Variants in GFRA3 observed in about 807,000 individuals in gnomAD.
GFRA3 encodes the protein GDNF family receptor alpha-3.
Under a neutral mutation model 40.0 loss-of-function variants are expected in GFRA3, and 24 were observed. The ratio of observed to expected loss-of-function variants is 0.60; its 90% CI spans 0.43 to 0.84. GFRA3 has a LOEUF of 0.84. Among genes scored for constraint, GFRA3 ranks in the 40% least tolerant of loss-of-function variants. The pLI is 0.00. For missense variants in GFRA3, 405 were observed against 530.6 expected, an observed-to-expected ratio of 0.76 and a Z score of 2.33; for synonymous variants, 203 against 213.5, an observed-to-expected ratio of 0.95 and a Z score of 0.43.
rs369940371 is a variant in GFRA3 at position 138,253,001 on chromosome 5, C to T, written c.1170G>A (p.Thr390=). ...QPWVPSLFSC[T]LPLILLLSLW ...GGCTCAGGAGCAGAATCAAGGGAAG[C>T]GTGCAGGAGAAAAGAGAGGGCACCC... Residue 390 remains threonine (T), a synonymous_variant, in exon 8 of 8, where the codon ACG becomes ACA. Transcript: ENST00000274721. 4.0e-5 allele frequency: 65 copies of T among 1,608,624 alleles called. 1 individual carries two copies. The Middle Eastern group carries it at 5.1e-4, about 13-fold the overall frequency.
intron 6 of GFRA3, 93 bp downstream of exon 6, chr5:138,253,673 G>T: frequency 8.3e-7 from 1 of 1,208,610 alleles, no homozygotes; most frequent in Non-Finnish European, 1.2e-6. Flanking sequence ...GGAGATGGAT[G>T]GAACCAGCCT....
chr5:138,269,352 A>G (rs1217126026), intron 1 of GFRA3, among the ~76,000 whole-genome samples: 2 of 151,836 alleles, frequency 1.3e-5, no homozygotes, highest in Non-Finnish European at 2.9e-5. Flanking sequence ...CCTGGCCAAC[A>G]CTGCAAAAGC....
intron 1 of GFRA3, among the ~76,000 whole-genome samples, chr5:138,270,387 A>T (rs978038784): frequency 3.3e-5 from 5 of 151,510 alleles, no homozygotes; most frequent in African/African-American, 1.2e-4. Flanking sequence ...AAAAAAAAAA[A>T]GGAATGAATT....
chr5:138,273,883 A>G (rs928488482), intron 1 of GFRA3, among the ~76,000 whole-genome samples: 2 of 152,206 alleles, frequency 1.3e-5, no homozygotes, highest in African/African-American at 4.8e-5. Context: ...GTTTTAACGA[A>G]CTTCTTTTTC....
chr5:138,259,507 C>T (rs752414507), intron 3 of GFRA3, 50 bp downstream of exon 3: 2 of 848,090 alleles, frequency 2.4e-6, no homozygotes, highest in South Asian at 2.6e-5. Context: ...CACCCTTCCT[C>T]CAGGGTCCAG....
chr5:138,262,440 G>A (rs1042323359), intron 2 of GFRA3, among the ~76,000 whole-genome samples: 1 of 152,144 alleles, frequency 6.6e-6, no homozygotes, highest in African/African-American at 2.4e-5. Context: ...TCTGCTGTGT[G>A]TCTCCCATTC....
intron 1 of GFRA3, 63 bp from the exon 2 acceptor site, chr5:138,264,611 T>A: frequency 8.7e-7 from 1 of 1,147,790 alleles, no homozygotes; most frequent in Non-Finnish European, 1.3e-6. Context: ...GAATACCAAG[T>A]CATGAGGTTG....
rs1482587728 is a variant in GFRA3 at position 138,253,462 on chromosome 5, G to C, written c.1025-87C>G. On this transcript the variant is annotated intron_variant, in intron 6 of 7. Transcript: ENST00000274721. ...AAGGAAGGAAAGGGAATGCCACAGG[G>C]ACCCTGGGCTATAGGGGAGCAAGTG... is the stretch of plus-strand genomic sequence containing the variant. 12 of 867,196 alleles carry C rather than the reference G, an allele frequency of 1.4e-5. No individual in the cohort carries two copies. The South Asian group carries it at 1.4e-4, about 10-fold the overall frequency. The allele number at this position is 867,196 out of a possible 1,614,324, so 53.7% of individuals were successfully genotyped here.
At position 138,257,917 on chromosome 5, in the gene GFRA3, A is replaced by G. The variant is rs757955580; in HGVS notation, c.507T>C (p.Cys169=). ...SDLCLKFAML[C]TLNDKCDRLR... ...GCCGGTCACACTTGTCATTGAGAGT[A>G]CACAGCATGGCAAACTTGAGGCAGA... Residue 169 remains cysteine, a synonymous_variant, in exon 4 of 8, where the codon TGT becomes TGC. Coordinates refer to ENST00000274721, the MANE Select transcript of GFRA3 (RefSeq NM_001496.4). The G allele has an allele frequency of 1.2e-6, 2 of 1,614,034 alleles. No individual in the cohort carries two copies. The highest frequency in any genetic ancestry group is 1.7e-6 in the Non-Finnish European group (2 of 1,180,006).
intron 4 of GFRA3, among the ~76,000 whole-genome samples, chr5:138,257,111 A>T (rs924394089): frequency 6.6e-6 from 1 of 152,156 alleles, no homozygotes; most frequent in African/African-American, 2.4e-5. Flanking sequence ...CAGTTTTTAC[A>T]GGGGACTAAA....
chr5:138,269,921 G>T (rs547519210), intron 1 of GFRA3, among the ~76,000 whole-genome samples: 2 of 150,776 alleles, frequency 1.3e-5, no homozygotes, highest in Admixed American at 6.6e-5. Context: ...CAGAGGAAAA[G>T]AAGTCATTAT....
At chr5:138,254,293 T>C (rs537077148) in intron 4 of GFRA3, 133 bp from the exon 5 acceptor site, 1 of 635,236 alleles carries the variant, frequency 1.6e-6, no homozygotes, top group African/African-American at 1.8e-5. Flanking sequence ...GTTCAAACAA[T>C]TCTCCTGCCT....
intron 4 of GFRA3, among the ~76,000 whole-genome samples, chr5:138,257,115 G>A (rs1453017512): frequency 6.6e-6 from 1 of 152,084 alleles, no homozygotes; most frequent in African/African-American, 2.4e-5. Context: ...TTTTACAGGG[G>A]ACTAAACGGA....
chr5:138,261,693 C>CAAAAAAAAAAAAAAA (rs70979598), intron 2 of GFRA3, among the ~76,000 whole-genome samples: 1 of 46,372 alleles, frequency 2.2e-5, no homozygotes, highest in Non-Finnish European at 3.8e-5. Flanking sequence ...GACTCTGTCT[C>CAAAAAAAAAAAAAAA]AAAAAAAAAA....
At chr5:138,253,968 C>T in intron 5 of GFRA3, 68 bp from the exon 6 acceptor site, 1 of 1,583,568 alleles carries the variant, frequency 6.3e-7, no homozygotes, top group Non-Finnish European at 8.7e-7. Context: ...TTCTTCCACC[C>T]ATGTCAGGAT....
intron 1 of GFRA3, among the ~76,000 whole-genome samples, chr5:138,270,808 G>A (rs999842535): frequency 4.6e-5 from 7 of 152,020 alleles, no homozygotes; most frequent in African/African-American, 1.7e-4. Flanking sequence ...AAAAGCTTTT[G>A]AGATTTCAAA....
intron 4 of GFRA3, among the ~76,000 whole-genome samples, chr5:138,255,934 A>G (rs201992359): frequency 2.4e-4 from 37 of 151,384 alleles, no homozygotes; most frequent in South Asian, 4.2e-4. Flanking sequence ...AGAAGAAGAA[A>G]AAAACCAATC....
At chr5:138,272,277 A>AT (rs1191335872) in intron 1 of GFRA3, among the ~76,000 whole-genome samples, 1 of 151,356 alleles carries the variant, frequency 6.6e-6, no homozygotes, top group Non-Finnish European at 1.5e-5. Context: ...AAGTGCTGGG[A>AT]TTACAGGTGT....
Position 138,274,603 on chromosome 5 carries a change from G to A in GFRA3, c.-179C>T. 8.2e-7 allele frequency: 1 copy of A among 1,222,352 alleles called. No homozygotes were observed. The allele number at this position is 1,222,352 out of a possible 1,614,324, so 75.7% of individuals were successfully genotyped here. A position where few individuals can be genotyped will look rare whatever the true frequency, so the allele number is the denominator to read the frequency against. On this transcript the variant is annotated 5_prime_UTR_variant, in exon 1 of 8. Transcript: ENST00000274721. ...ACTCCGAAGCGCGCGTCCACACCAC[G>A]CGCCTCCAGCGCTGGTCCGAGGGAC...
Sources: gnomAD v4.1 joint callset for allele counts (sites outside exome capture counted in the v4.1 genomes callset) on GRCh38, gnomAD v4.1.1 for gene constraint, MANE v1.5 for transcripts, NCBI Gene and HGNC (gene_info 2026-07-23, HGNC 2026-07-21) for gene names.